The following KAT14 variants were observed in gnomAD, a reference collection of about 807,000 sequenced individuals.
The protein encoded by KAT14 is cysteine-rich protein 2-binding protein.
KAT14 carries 66 observed loss-of-function variants against 78.4 expected under a neutral mutation model. The observed-to-expected ratio is 0.84, with a 90% CI of 0.69 to 1.03. The LOEUF is 1.03. Among genes scored for constraint, KAT14 ranks in the 50% least tolerant of loss-of-function variants. The pLI is 0.00. For synonymous variants in KAT14, 344 were observed against 359.4 expected (o/e 0.96, Z 0.48); for missense variants, 870 against 972.5 (o/e 0.89, Z 1.40).
intron 3 of KAT14, among the ~76,000 whole-genome samples, chr20:18,150,499 G>C (rs937222212): frequency 3.3e-5 from 5 of 152,064 alleles, no homozygotes; most frequent in Admixed American, 3.3e-4. Context: ...CGGGATCCTT[G>C]GGACAATGCC....
At chr20:18,175,763 A>T (rs970945035) in intron 7 of KAT14, among the ~76,000 whole-genome samples, 2 of 152,060 alleles carry the variant, frequency 1.3e-5, no homozygotes, top group African/African-American at 4.8e-5. Context: ...TCAAACCTGT[A>T]ATCCCAGCAC....
chr20:18,155,155 A>T (rs1330558561), intron 4 of KAT14, among the ~76,000 whole-genome samples: 1 of 152,154 alleles, frequency 6.6e-6, no homozygotes, highest in Non-Finnish European at 1.5e-5. Flanking sequence ...AAATGCTGAG[A>T]TTATAGGCGT....
At chr20:18,163,982 A>G (rs1366476570) in intron 7 of KAT14, among the ~76,000 whole-genome samples, 1 of 152,222 alleles carries the variant, frequency 6.6e-6, no homozygotes, top group Non-Finnish European at 1.5e-5. Flanking sequence ...GCCGGCCACA[A>G]AATCTCATTC....
At chr20:18,153,950 A>G (rs1371018698) in intron 4 of KAT14, among the ~76,000 whole-genome samples, 4 of 152,262 alleles carry the variant, frequency 2.6e-5, no homozygotes, top group Non-Finnish European at 4.4e-5. Context: ...TTTCCAGTCA[A>G]AAAGGGAGGC....
chr20:18,159,315 C>G (rs774644699), intron 5 of KAT14, 50 bp downstream of exon 5: 4 of 1,580,228 alleles, frequency 2.5e-6, no homozygotes, highest in Non-Finnish European at 3.4e-6. Flanking sequence ...CAGAGCCAAG[C>G]AGGTGTGAGC....
rs182492498 is a variant in KAT14 at position 18,140,386 on chromosome 20, G to A, written c.-453-1822G>A. Among the ~76,000 whole-genome samples the A allele has an allele frequency of 2.8e-3, 431 of 152,216 alleles. 1 individual carries two copies. Among genetic ancestry groups the A allele is most frequent in the Non-Finnish European group, 4.7e-3 (322 of 68,002 alleles). ...ATAATGAAGCTGTAGGCCTGGAGGA[G>A]GTCCAGCAAGTAGGTATTATATTAG... On this transcript the variant is annotated intron_variant, in intron 1 of 10. Transcript: ENST00000688188.
At chr20:18,181,345 C>CCTCA (rs1568675044) in intron 7 of KAT14, among the ~76,000 whole-genome samples, 3 of 150,254 alleles carry the variant, frequency 2.0e-5, no homozygotes, top group Admixed American at 1.3e-4. Flanking sequence ...ATTAACCAAT[C>CCTCA]CTCAGAGTAA....
At chr20:18,146,347 A>G (rs2037824338) in intron 3 of KAT14, among the ~76,000 whole-genome samples, 1 of 152,054 alleles carries the variant, frequency 6.6e-6, no homozygotes, top group Non-Finnish European at 1.5e-5. Context: ...AGCCTGGGCA[A>G]CGTGGTGAAA....
At chr20:18,175,503 G>A (rs1358948920) in intron 7 of KAT14, among the ~76,000 whole-genome samples, 11 of 151,968 alleles carry the variant, frequency 7.2e-5, no homozygotes, top group African/African-American at 1.9e-4. Flanking sequence ...GCCACCTGTC[G>A]CCTCCCCGGG....
At chr20:18,138,430 G>C in intron 1 of KAT14, 4 of 1,005,444 alleles carry the variant, frequency 4.0e-6, no homozygotes, top group Non-Finnish European at 4.7e-6. Flanking sequence ...CACTTGGGCC[G>C]CTAGAAAATA....
At chr20:18,185,879 C>T (rs2039432571) in intron 10 of KAT14, among the ~76,000 whole-genome samples, 1 of 152,194 alleles carries the variant, frequency 6.6e-6, no homozygotes, top group Non-Finnish European at 1.5e-5. Flanking sequence ...TTCCTTCTCT[C>T]CTTAGGCAGT....
At chr20:18,173,625 C>CTTTTTT (rs11475865) in intron 7 of KAT14, among the ~76,000 whole-genome samples, 1 of 139,916 alleles carries the variant, frequency 7.1e-6, no homozygotes, top group Non-Finnish European at 1.6e-5. Flanking sequence ...ACCATTACTT[C>CTTTTTT]TTTTTTTTTT....
At chr20:18,171,110 C>G (rs2038829329) in intron 7 of KAT14, among the ~76,000 whole-genome samples, 1 of 152,082 alleles carries the variant, frequency 6.6e-6, no homozygotes, top group Admixed American at 6.6e-5. Flanking sequence ...TTCTAGATGC[C>G]ATTAAGAACA....
At chr20:18,138,153 C>T (rs1049871177) in intron 1 of KAT14, 102 bp downstream of exon 1, 26 of 1,339,490 alleles carry the variant, frequency 1.9e-5, no homozygotes, top group Middle Eastern at 3.9e-4. Flanking sequence ...CTCTTCGTGT[C>T]TTTCCCCCGC....
intron 2 of KAT14, chr20:18,143,262 A>C: frequency 1.1e-5 from 9 of 796,522 alleles, no homozygotes; most frequent in Non-Finnish European, 1.3e-5. Context: ...TTCATGTTCA[A>C]GTTTATAAAA....
rs74179176 is a variant in KAT14, at chr20:18,143,632, A to AT, written c.259+725dup. Among the ~76,000 whole-genome samples the AT allele has an allele frequency of 1.4e-3, 167 of 123,100 alleles. 3 individuals carry two copies. The highest frequency in any genetic ancestry group is 7.9e-3 in the East Asian group (35 of 4,408). 80.8% of individuals were successfully genotyped at this position (123,100 alleles called of 152,430 possible). On this transcript the variant is annotated intron_variant, in intron 2 of 10. Coordinates refer to ENST00000688188, the MANE Select transcript of KAT14 (RefSeq NM_001392073.1). ...CCTGGCTAATTTTTTTTTTTATTTT[A>AT]TTTTTTTTTTTTGAGACGGAGTTTT...
intron 7 of KAT14, among the ~76,000 whole-genome samples, chr20:18,165,389 T>G (rs1342714336): frequency 5.9e-5 from 9 of 152,278 alleles, no homozygotes; most frequent in Admixed American, 3.9e-4. Context: ...TACCTATGAA[T>G]GCAGCCTTAT....
At chr20:18,178,133 A>G (rs1187773192) in intron 7 of KAT14, among the ~76,000 whole-genome samples, 1 of 151,892 alleles carries the variant, frequency 6.6e-6, no homozygotes, top group East Asian at 1.9e-4. Flanking sequence ...AACAAAAGTG[A>G]CTTGGGTGCT....
chr20:18,180,846 C>T (rs1038386485), intron 7 of KAT14, among the ~76,000 whole-genome samples: 1 of 152,164 alleles, frequency 6.6e-6, no homozygotes, highest in Non-Finnish European at 1.5e-5. Context: ...TATCTCCCAC[C>T]AGGTCCCTCC....
Sources: gnomAD v4.1 joint callset for allele counts (sites outside exome capture counted in the v4.1 genomes callset) on GRCh38, gnomAD v4.1.1 for gene constraint, MANE v1.5 for transcripts, NCBI Gene and HGNC (gene_info 2026-07-23, HGNC 2026-07-21) for gene names.